The following RFX8 variants were observed in gnomAD, a reference collection of about 807,000 sequenced individuals.
RFX8 encodes regulatory factor X8.
In RFX8, 46 loss-of-function variants were observed where a neutral mutation model predicts 54.6. The observed-to-expected ratio is 0.84, with a 90% CI of 0.67 to 1.08. RFX8 has a LOEUF of 1.08. Ranked by LOEUF, RFX8 falls within the 50% of genes least tolerant of loss-of-function variation. The probability of loss-of-function intolerance (pLI) is 0.00; values close to 1 mark genes in which losing one functional copy is unlikely to be tolerated. For synonymous variants in RFX8, 192 were observed against 209.5 expected (o/e 0.92, Z 0.72); for missense variants, 536 against 562.3 (o/e 0.95, Z 0.47).
At chr2:101,457,481 G>A (rs1286430675) in intron 2 of RFX8, among the ~76,000 whole-genome samples, 1 of 152,184 alleles carries the variant, frequency 6.6e-6, no homozygotes, top group East Asian at 1.9e-4. Flanking sequence ...TAGTCATTCA[G>A]GAGCAGGTTG....
chr2:101,444,897 T>C (rs1043342808), intron 2 of RFX8, among the ~76,000 whole-genome samples: 1 of 152,204 alleles, frequency 6.6e-6, no homozygotes, highest in Non-Finnish European at 1.5e-5. Flanking sequence ...TCCCATGAAG[T>C]AGATACTGTT....
At chr2:101,456,607 G>T (rs565923807) in intron 2 of RFX8, among the ~76,000 whole-genome samples, 1 of 152,086 alleles carries the variant, frequency 6.6e-6, no homozygotes. Context: ...TACTGGATTC[G>T]GTTTGCCAGT....
At chr2:101,437,583 A>G (rs1048017145) in intron 2 of RFX8, among the ~76,000 whole-genome samples, 2 of 152,136 alleles carry the variant, frequency 1.3e-5, no homozygotes, top group Non-Finnish European at 2.9e-5. Context: ...CAAAAAAAAG[A>G]AAAGAAAAAA....
chr2:101,416,741 G>A (rs972897807), intron 6 of RFX8, among the ~76,000 whole-genome samples: 36 of 152,106 alleles, frequency 2.4e-4, no homozygotes, highest in African/African-American at 8.5e-4. Flanking sequence ...GCCTTTGAAG[G>A]AGCATGGAGC....
chr2:101,427,983 G>A (rs969648194), intron 2 of RFX8, among the ~76,000 whole-genome samples: 23 of 151,346 alleles, frequency 1.5e-4, no homozygotes, highest in Admixed American at 6.6e-4. Context: ...CCCGCCCCCC[G>A]CAGGGTCATG....
intron 1 of RFX8, among the ~76,000 whole-genome samples, chr2:101,470,311 G>C (rs1187194624): frequency 6.6e-6 from 1 of 152,174 alleles, no homozygotes; most frequent in East Asian, 1.9e-4. Context: ...ATGGAAGCAA[G>C]AAAGATGCTG....
Position 101,466,909 on chromosome 2 carries a change from G to A in RFX8, c.-52-9C>T, listed in dbSNP as rs1442639460. ...AGAAGTTGTCGACCAACCTGGAGGA[G>A]AGGAGGACAAGGAGGAGGAAATTGG... On this transcript the variant is annotated splice_polypyrimidine_tract_variant and intron_variant, in intron 1 of 11. Coordinates refer to ENST00000428343, the MANE Select transcript of RFX8 (RefSeq NM_001145664.2). 1 of 1,256,060 alleles carries A rather than the reference G, an allele frequency of 8.0e-7. No individual in the cohort carries two copies. The highest frequency in any genetic ancestry group is 1.1e-6 in the Non-Finnish European group (1 of 878,090). The allele number at this position is 1,256,060 out of a possible 1,614,324, so 77.8% of individuals were successfully genotyped here.
intron 1 of RFX8, among the ~76,000 whole-genome samples, chr2:101,472,302 A>G (rs112176588): frequency 1.0e-3 from 155 of 152,224 alleles, no homozygotes; most frequent in African/African-American, 3.6e-3. Context: ...GGGTTTCACC[A>G]TGTTAGCCAG....
Position 101,402,524 on chromosome 2 carries a change from T to G in RFX8, c.1157A>C (p.His386Pro). Reference protein sequence around the residue: ...SMEPLGVMPTHMGQGRYPVGV... With the variant: ...SMEPLGVMPTPMGQGRYPVGV... ...CACGGGATATCGGCCCTGGCCCATG[T>G]GTGTGGGCATCACCCCCAGTGGCTC... Residue 386 changes from histidine to proline, a missense_variant, in exon 11 of 12, where the codon CAC becomes CCC. Coordinates refer to ENST00000428343, the MANE Select transcript of RFX8 (RefSeq NM_001145664.2). 6.4e-6 allele frequency: 10 copies of G among 1,551,800 alleles called. No individual in the cohort carries two copies. Among genetic ancestry groups the G allele is most frequent in the Non-Finnish European group, 7.8e-6 (9 of 1,147,006 alleles).
At chr2:101,437,940 T>C (rs1340187536) in intron 2 of RFX8, among the ~76,000 whole-genome samples, 3 of 152,346 alleles carry the variant, frequency 2.0e-5, no homozygotes, top group East Asian at 3.9e-4. Context: ...ATTTTATAAA[T>C]GGACTCATAT....
At chr2:101,443,450 T>C (rs113005710) in intron 2 of RFX8, among the ~76,000 whole-genome samples, 1 of 152,212 alleles carries the variant, frequency 6.6e-6, no homozygotes, top group Non-Finnish European at 1.5e-5. Flanking sequence ...AATGTATATA[T>C]GGTTTGTTTT....
chr2:101,405,871 C>A, intron 10 of RFX8, 72 bp downstream of exon 10: 1 of 935,186 alleles, frequency 1.1e-6, no homozygotes, highest in Admixed American at 2.9e-5. Flanking sequence ...CATAGCAATA[C>A]GCAAAATACT....
chr2:101,473,539 CAA>C (rs1690128523), intron 1 of RFX8, among the ~76,000 whole-genome samples: 1 of 152,048 alleles, frequency 6.6e-6, no homozygotes, highest in African/African-American at 2.4e-5. Flanking sequence ...ATGACTTTTT[CAA>C]AAGTCTTCCC....
intron 11 of RFX8, among the ~76,000 whole-genome samples, chr2:101,401,444 G>A (rs1386511801): frequency 1.3e-5 from 2 of 152,146 alleles, no homozygotes; most frequent in Non-Finnish European, 2.9e-5. Context: ...GTTTTAGGCT[G>A]TGACTCACTG....
intron 1 of RFX8, among the ~76,000 whole-genome samples, chr2:101,467,950 G>A (rs1390134241): frequency 6.6e-6 from 1 of 152,012 alleles, no homozygotes; most frequent in Admixed American, 6.6e-5. Context: ...CAGACAATAC[G>A]TCTCCTTGGC....
intron 2 of RFX8, among the ~76,000 whole-genome samples, chr2:101,443,323 T>C (rs1688201310): frequency 6.6e-6 from 1 of 152,120 alleles, no homozygotes; most frequent in Non-Finnish European, 1.5e-5. Flanking sequence ...CATGGAGAAA[T>C]AGGTTCATCT....
chr2:101,445,689 C>T (rs1244682081), intron 2 of RFX8, among the ~76,000 whole-genome samples: 1 of 152,074 alleles, frequency 6.6e-6, no homozygotes, highest in Admixed American at 6.5e-5. Flanking sequence ...GTTGGCCTCC[C>T]AAAGTGCTGG....
chr2:101,445,206 C>T (rs1414208576), intron 2 of RFX8, among the ~76,000 whole-genome samples: 1 of 152,190 alleles, frequency 6.6e-6, no homozygotes, highest in African/African-American at 2.4e-5. Context: ...CCACTGAAGT[C>T]CACCCTCAGA....
chr2:101,423,188 A>G (rs780640448), intron 2 of RFX8, among the ~76,000 whole-genome samples: 1 of 149,940 alleles, frequency 6.7e-6, no homozygotes, highest in East Asian at 2.0e-4. Context: ...AGCCCGGGAA[A>G]TGGAGGTTGC....
Sources: gnomAD v4.1 joint callset for allele counts (sites outside exome capture counted in the v4.1 genomes callset) on GRCh38, gnomAD v4.1.1 for gene constraint, MANE v1.5 for transcripts, NCBI Gene and HGNC (gene_info 2026-07-23, HGNC 2026-07-21) for gene names.